KIF21A: variants seen among roughly 807,000 people sequenced by gnomAD.
KIF21A encodes kinesin family member 21A.
Under a neutral mutation model 202.9 loss-of-function variants are expected in KIF21A, and 114 were observed. The observed-to-expected ratio is 0.56, with a 90% confidence interval of 0.48 to 0.66. The LOEUF is 0.66. Among genes scored for constraint, KIF21A ranks in the 30% least tolerant of loss-of-function variants. The pLI, the probability that KIF21A is intolerant of heterozygous loss-of-function variation, is 0.00. For synonymous variants in KIF21A, 667 were observed against 670.8 expected, an observed-to-expected ratio of 0.99 and a Z score of 0.09; for missense variants, 1,677 against 1,994.9, an observed-to-expected ratio of 0.84 and a Z score of 3.04.
intron 37 of KIF21A, among the ~76,000 whole-genome samples, chr12:39,301,158 T>G (rs1414425718): frequency 6.6e-6 from 1 of 152,200 alleles, no homozygotes; most frequent in East Asian, 1.9e-4. Context: ...ATGGCAAATT[T>G]GTTGCCTTTC....
intron 36 of KIF21A, among the ~76,000 whole-genome samples, chr12:39,302,008 T>G (rs1000832431): frequency 1.3e-5 from 2 of 152,128 alleles, no homozygotes; most frequent in African/African-American, 2.4e-5. Flanking sequence ...CAAAATGTAT[T>G]AAATAAAGCA....
chr12:39,429,369 T>G (rs972155514), intron 1 of KIF21A, among the ~76,000 whole-genome samples: 1 of 152,180 alleles, frequency 6.6e-6, no homozygotes, highest in African/African-American at 2.4e-5. Flanking sequence ...AGATATCCAT[T>G]CTATCATATA....
intron 31 of KIF21A, among the ~76,000 whole-genome samples, chr12:39,314,753 G>T (rs1164653013): frequency 6.6e-6 from 1 of 151,692 alleles, no homozygotes; most frequent in African/African-American, 2.4e-5. Flanking sequence ...TCATGTCAAA[G>T]GTTATAGTAT....
intron 34 of KIF21A, among the ~76,000 whole-genome samples, chr12:39,306,296 G>A (rs542765962): frequency 2.6e-5 from 4 of 152,240 alleles, no homozygotes; most frequent in African/African-American, 9.6e-5. Context: ...TCAAAAGCTG[G>A]TATCTTTTCT....
intron 17 of KIF21A, among the ~76,000 whole-genome samples, chr12:39,336,872 C>G (rs181266840): frequency 6.6e-6 from 1 of 152,170 alleles, no homozygotes; most frequent in South Asian, 2.1e-4. Context: ...GGAAAATAAG[C>G]CTCAAATAAA....
chr12:39,296,231 G>A (rs1297813817), intron 37 of KIF21A, among the ~76,000 whole-genome samples: 2 of 151,186 alleles, frequency 1.3e-5, no homozygotes, highest in African/African-American at 4.9e-5. Flanking sequence ...ACCATGGCTG[G>A]CTAATTTTTT....
At chr12:39,332,040 A>T (rs572675598) in intron 21 of KIF21A, 174 bp downstream of exon 21, 84 of 683,064 alleles carry the variant, frequency 1.2e-4, no homozygotes, top group Admixed American at 7.7e-4. Context: ...TTATCACACA[A>T]TCAGCAGAGA....
chr12:39,420,336 G>A (rs921570729), intron 1 of KIF21A, among the ~76,000 whole-genome samples: 7 of 152,160 alleles, frequency 4.6e-5, no homozygotes, highest in Non-Finnish European at 4.4e-5. Flanking sequence ...CAAGAGGTCA[G>A]ACAGAGAGTA....
intron 7 of KIF21A, among the ~76,000 whole-genome samples, chr12:39,361,944 C>T (rs1949270061): frequency 6.6e-6 from 1 of 152,124 alleles, no homozygotes; most frequent in Non-Finnish European, 1.5e-5. Context: ...TTGTAATCCC[C>T]AGTGTTGGAG....
intron 7 of KIF21A, 72 bp from the exon 8 acceptor site, chr12:39,358,445 T>A: frequency 7.3e-7 from 1 of 1,364,764 alleles, no homozygotes. Flanking sequence ...ATTTTTAAAT[T>A]CCTAACATTT....
At chr12:39,326,223 T>A in intron 25 of KIF21A, 41 bp downstream of exon 25, 1 of 1,374,314 alleles carries the variant, frequency 7.3e-7, no homozygotes, top group South Asian at 1.2e-5. Flanking sequence ...ATTTAAAATA[T>A]GTAAATAAGT....
At chr12:39,304,733 A>T in intron 35 of KIF21A, 88 bp downstream of exon 35, 1 of 748,090 alleles carries the variant, frequency 1.3e-6, no homozygotes, top group Non-Finnish European at 2.4e-6. Flanking sequence ...AAAAAAGAAA[A>T]TAAGAGAAAG....
intron 26 of KIF21A, among the ~76,000 whole-genome samples, chr12:39,323,103 T>A (rs188159885): frequency 7.0e-6 from 1 of 142,862 alleles, no homozygotes; most frequent in East Asian, 2.3e-4. Context: ...TGTACTTATA[T>A]GCCAGGCACT....
rs766221650 is a variant in KIF21A at position 39,398,418 on chromosome 12, G to A, written c.45-28157C>T. On this transcript the variant is annotated intron_variant, in intron 1 of 37. Coordinates refer to ENST00000361418, the MANE Select transcript of KIF21A (RefSeq NM_001173464.2). ...AGTTTGAGACCAGCCTGGGCAACAC[G>A]GCAAGATCTCTTCTCTACTAAAAAT... Among the ~76,000 whole-genome samples, 3 of 151,908 alleles carry A rather than the reference G, an allele frequency of 2.0e-5. No individual in the cohort carries two copies. The East Asian group carries it at 5.8e-4, about 29-fold the overall frequency.
At chr12:39,430,123 G>A (rs997154115) in intron 1 of KIF21A, among the ~76,000 whole-genome samples, 1 of 151,414 alleles carries the variant, frequency 6.6e-6, no homozygotes, top group Admixed American at 6.6e-5. Context: ...ACTGAGGGAG[G>A]AGGATCTCTT....
At chr12:39,422,260 C>T (rs1035423726) in intron 1 of KIF21A, among the ~76,000 whole-genome samples, 3 of 152,014 alleles carry the variant, frequency 2.0e-5, no homozygotes, top group South Asian at 2.1e-4. Context: ...CATGCCCAGC[C>T]GCAAACAGTA....
At chr12:39,304,491 C>T (rs1166869531) in intron 35 of KIF21A, among the ~76,000 whole-genome samples, 1 of 152,154 alleles carries the variant, frequency 6.6e-6, no homozygotes, top group Non-Finnish European at 1.5e-5. Context: ...TGCATCTTTC[C>T]TTACCTTATC....
rs1440373446 is a variant in KIF21A at position 39,341,100 on chromosome 12, T to C, written c.1922-6A>G. On this transcript the variant is annotated splice_polypyrimidine_tract_variant and splice_region_variant and intron_variant, in intron 14 of 37. Coordinates refer to ENST00000361418, the MANE Select transcript of KIF21A (RefSeq NM_001173464.2). ...CAAGTCTGCTTGATAATTGGCTATT[T>C]ATAAAAGAAGAAAATAAAAATCCTG... 6.3e-7 allele frequency: 1 copy of C among 1,586,336 alleles called. No individual in the cohort carries two copies. Among genetic ancestry groups the C allele is most frequent in the Non-Finnish European group, 8.6e-7 (1 of 1,162,094 alleles).
intron 1 of KIF21A, among the ~76,000 whole-genome samples, chr12:39,426,292 A>G (rs566611470): frequency 4.6e-5 from 7 of 152,344 alleles, no homozygotes; most frequent in Non-Finnish European, 1.0e-4. Context: ...TGAGAAAAGG[A>G]TGTTGCGAAT....
Sources: allele counts gnomAD v4.1 joint callset (sites outside exome capture counted in the v4.1 genomes callset), GRCh38; gene constraint gnomAD v4.1.1; transcripts MANE v1.5; gene names NCBI Gene and HGNC (gene_info 2026-07-23, HGNC 2026-07-21).